CAST: variants seen among roughly 807,000 people sequenced by gnomAD.
The protein encoded by CAST is calpastatin.
In CAST, 76 loss-of-function variants were observed where a neutral mutation model predicts 119.6. That is an observed-to-expected ratio of 0.64 (90% CI 0.53 to 0.77). CAST has a LOEUF of 0.77. Ranked by LOEUF, CAST falls within the 30% of genes least tolerant of loss-of-function variation. The probability of loss-of-function intolerance (pLI) is 0.00; values close to 1 mark genes in which losing one functional copy is unlikely to be tolerated. For synonymous variants in CAST, 319 were observed against 331.6 expected (o/e 0.96, Z 0.41); for missense variants, 953 against 946.5 (o/e 1.01, Z -0.09).
the CAST span, among the ~76,000 whole-genome samples, chr5:96,083,766 A>G: frequency 2.6e-5 from 4 of 152,188 alleles, no homozygotes; most frequent in African/African-American, 9.7e-5. Context: ...TTTCCCTGTC[A>G]GTGTACCCTG....
the CAST span, among the ~76,000 whole-genome samples, chr5:96,436,451 A>G: frequency 6.8e-6 from 1 of 146,182 alleles, no homozygotes; most frequent in Non-Finnish European, 1.5e-5. Flanking sequence ...TTTCACCAAT[A>G]TAAGTTTTTA....
At chr5:96,065,792 T>C in the CAST span, among the ~76,000 whole-genome samples, 1 of 152,166 alleles carries the variant, frequency 6.6e-6, no homozygotes, top group African/African-American at 2.4e-5. Flanking sequence ...GCCCCTGCTG[T>C]GGGCCTTAAA....
the CAST span, among the ~76,000 whole-genome samples, chr5:96,186,496 ACT>A: frequency 6.6e-6 from 1 of 151,696 alleles, no homozygotes; most frequent in African/African-American, 2.4e-5. Flanking sequence ...GTCGTATATG[ACT>A]CTTATTATTT....
At chr5:96,101,590 T>C in the CAST span, among the ~76,000 whole-genome samples, 2 of 152,218 alleles carry the variant, frequency 1.3e-5, no homozygotes, top group Non-Finnish European at 2.9e-5. Flanking sequence ...TGTACTATTG[T>C]TGTAGGACTT....
intron 3 of CAST, among the ~76,000 whole-genome samples, chr5:96,700,836 C>T (rs964813099): frequency 8.5e-5 from 13 of 152,218 alleles, no homozygotes; most frequent in Non-Finnish European, 1.5e-4. Flanking sequence ...ATTGTGATGG[C>T]CACAGCACAG....
At chr5:96,274,431 A>G in the CAST span, among the ~76,000 whole-genome samples, 3 of 152,152 alleles carry the variant, frequency 2.0e-5, no homozygotes, top group Non-Finnish European at 4.4e-5. Flanking sequence ...TCCAGTGTCA[A>G]TTCTGTCCAA....
chr5:96,752,834 C>T (rs1332091543), intron 20 of CAST, among the ~76,000 whole-genome samples: 1 of 151,704 alleles, frequency 6.6e-6, no homozygotes, highest in Non-Finnish European at 1.5e-5. Context: ...TGACCCAAGG[C>T]CTTTTACATT....
the CAST span, among the ~76,000 whole-genome samples, chr5:95,972,303 T>A: frequency 6.6e-6 from 1 of 152,162 alleles, no homozygotes; most frequent in Non-Finnish European, 1.5e-5. Flanking sequence ...ATATTTAACA[T>A]TATAATAAGC....
At chr5:96,608,632 G>T (rs1158744010) in intron 1 of CAST, among the ~76,000 whole-genome samples, 1 of 152,110 alleles carries the variant, frequency 6.6e-6, no homozygotes, top group African/African-American at 2.4e-5. Context: ...TCACATAAAG[G>T]CCATTACAGG....
At chr5:96,608,603 G>T (rs1371729017) in intron 1 of CAST, among the ~76,000 whole-genome samples, 1 of 152,104 alleles carries the variant, frequency 6.6e-6, no homozygotes, top group African/African-American at 2.4e-5. Flanking sequence ...TATCACAAAA[G>T]ATTGCAAAAA....
chr5:96,585,266 G>C (rs192806754), intron 1 of CAST, among the ~76,000 whole-genome samples: 23 of 152,104 alleles, frequency 1.5e-4, no homozygotes, highest in African/African-American at 5.3e-4. Context: ...CAACGCTCCA[G>C]ACTAAACCCG....
At position 96,739,451 on chromosome 5, in the gene CAST, A is replaced by G. The variant is rs149335681; in HGVS notation, c.799-587A>G. On this transcript the variant is annotated intron_variant, in intron 11 of 31. Transcript: ENST00000675179. The stretch of plus-strand genomic sequence containing the variant: ...ACATAATTTTGAATAAAAAATGCAG[A>G]ATGATATGTAGAATATGATACCATT... 9.2e-5 allele frequency among the ~76,000 whole-genome samples: 14 copies of G among 152,380 alleles called. 1 individual carries two copies. The highest frequency in any genetic ancestry group is 2.9e-4 in the African/African-American group (12 of 41,590).
chr5:95,982,470 C>T, the CAST span, among the ~76,000 whole-genome samples: 2 of 152,088 alleles, frequency 1.3e-5, no homozygotes, highest in Admixed American at 6.5e-5. Flanking sequence ...TGTATACAAA[C>T]CTAAGGGTTA....
chr5:96,439,813 T>A, the CAST span, among the ~76,000 whole-genome samples: 3 of 152,186 alleles, frequency 2.0e-5, no homozygotes, highest in Non-Finnish European at 4.4e-5. Flanking sequence ...GCTTGTTGTT[T>A]AAAATAATAT....
chr5:95,978,201 CT>C, the CAST span, among the ~76,000 whole-genome samples: 2 of 152,138 alleles, frequency 1.3e-5, no homozygotes, highest in Non-Finnish European at 2.9e-5. Flanking sequence ...AGTTCTGTTT[CT>C]AGCTCTTTGA....
chr5:96,427,900 G>C, the CAST span, among the ~76,000 whole-genome samples: 1 of 152,162 alleles, frequency 6.6e-6, no homozygotes, highest in African/African-American at 2.4e-5. Flanking sequence ...CCCTTGAAGT[G>C]AGTAAGGGAA....
chr5:96,338,477 A>G, the CAST span, among the ~76,000 whole-genome samples: 16 of 152,206 alleles, frequency 1.1e-4, no homozygotes, highest in Admixed American at 1.0e-3. Context: ...GTAACTCACA[A>G]GGCCTAAACA....
rs765136385 is a variant in CAST, at chr5:96,737,904, A to G, written c.755A>G (p.Glu252Gly). 7.5e-6 allele frequency: 12 copies of G among 1,609,284 alleles called. No homozygotes were observed. The African/African-American group carries it at 1.6e-4, about 22-fold the overall frequency. The part of the protein sequence containing the change: ...DLIDTLGGPE[E>G]TEEENTTYTG... ...ATAGATACTTTAGGAGGACCTGAAG[A>G]AACTGAAGAAGAAAATACAACGTAT... The change falls in exon 11 of 32, where the codon GAA becomes GGA. Residue 252 changes from glutamate (E) to glycine (G), a missense_variant. By Grantham distance (98) the Glu-to-Gly change is moderately conservative. Coordinates refer to ENST00000675179, the MANE Select transcript of CAST (RefSeq NM_001750.7).
the CAST span, among the ~76,000 whole-genome samples, chr5:96,267,156 GA>G: frequency 1.3e-5 from 2 of 152,044 alleles, no homozygotes; most frequent in African/African-American, 2.4e-5. Flanking sequence ...GCAAAGGAAT[GA>G]AAATCACCTA....
Sources: allele counts gnomAD v4.1 joint callset (sites outside exome capture counted in the v4.1 genomes callset), GRCh38; gene constraint gnomAD v4.1.1; transcripts MANE v1.5; gene names NCBI Gene and HGNC (gene_info 2026-07-23, HGNC 2026-07-21).